Variants in TCF7L1 observed in about 807,000 individuals in gnomAD.
TCF7L1 encodes the protein transcription factor 7-like 1.
TCF7L1 carries 18 observed loss-of-function variants against 63.7 expected under a neutral mutation model. That is an observed-to-expected ratio of 0.28 (90% CI 0.20 to 0.42). The LOEUF is 0.42. Among genes scored for constraint, TCF7L1 ranks in the 10% least tolerant of loss-of-function variants. TCF7L1 has a pLI of 1.00. For missense variants in TCF7L1, 654 were observed against 779.3 expected (o/e 0.84, Z 1.91); for synonymous variants, 355 against 340.9 (o/e 1.04, Z -0.46).
chr2:85,218,641 G>GGT (rs982693804), intron 3 of TCF7L1, among the ~76,000 whole-genome samples: 8 of 140,014 alleles, frequency 5.7e-5, no homozygotes, highest in Non-Finnish European at 1.2e-4. Flanking sequence ...TATTCCAATG[G>GGT]GGGGGGGAAA....
chr2:85,149,762 T>C (rs1342798339), intron 3 of TCF7L1, among the ~76,000 whole-genome samples: 1 of 152,176 alleles, frequency 6.6e-6, no homozygotes, highest in Non-Finnish European at 1.5e-5. Flanking sequence ...TGACCTCAAG[T>C]GATCTGCCTG....
At chr2:85,143,012 T>C (rs1677781818) in intron 3 of TCF7L1, among the ~76,000 whole-genome samples, 1 of 152,230 alleles carries the variant, frequency 6.6e-6, no homozygotes, top group African/African-American at 2.4e-5. Context: ...TACTTCAAAG[T>C]TTGGAAATAA....
chr2:85,223,152 G>T (rs1679884565), intron 3 of TCF7L1, among the ~76,000 whole-genome samples: 1 of 152,194 alleles, frequency 6.6e-6, no homozygotes, highest in Non-Finnish European at 1.5e-5. Flanking sequence ...TGCAATCATA[G>T]CTCACTGTAG....
intron 3 of TCF7L1, among the ~76,000 whole-genome samples, chr2:85,258,692 C>T (rs1680782052): frequency 6.6e-6 from 1 of 152,186 alleles, no homozygotes; most frequent in African/African-American, 2.4e-5. Context: ...ATAACTTTTA[C>T]ATGTGTAAGC....
At chr2:85,227,177 A>C (rs921686496) in intron 3 of TCF7L1, among the ~76,000 whole-genome samples, 2 of 151,950 alleles carry the variant, frequency 1.3e-5, no homozygotes, top group African/African-American at 4.8e-5. Flanking sequence ...AACTCTACCA[A>C]ATCCCTTTAT....
intron 3 of TCF7L1, 121 bp from the exon 4 acceptor site, chr2:85,283,374 A>G: frequency 1.1e-6 from 1 of 942,078 alleles, no homozygotes; most frequent in Non-Finnish European, 1.7e-6. Context: ...GGCATGTGGC[A>G]TGAAAATGCA....
chr2:85,168,192 AACACAC>A lies in TCF7L1; in HGVS notation c.441+33768_441+33773del, dbSNP rs55736939. Among the ~76,000 whole-genome samples, 26 of 145,692 alleles carry A rather than the reference AACACAC, an allele frequency of 1.8e-4. No individual in the cohort carries two copies. The East Asian group carries it at 2.4e-3, about 14-fold the overall frequency. The stretch of plus-strand genomic sequence containing the variant: ...AATCTCATGTTAAGTGTTCTTACCA[AACACAC>A]ACACACACACACACACACACACACA... On this transcript the variant is annotated intron_variant, in intron 3 of 11. Coordinates refer to ENST00000282111, the MANE Select transcript of TCF7L1 (RefSeq NM_031283.3).
intron 3 of TCF7L1, among the ~76,000 whole-genome samples, chr2:85,171,259 C>A (rs1446282751): frequency 6.6e-6 from 1 of 152,180 alleles, no homozygotes; most frequent in East Asian, 1.9e-4. Flanking sequence ...CCACCGGGTC[C>A]CTTCCATGAC....
chr2:85,231,532 T>G (rs542728444), intron 3 of TCF7L1, among the ~76,000 whole-genome samples: 18 of 152,234 alleles, frequency 1.2e-4, no homozygotes, highest in African/African-American at 4.3e-4. Context: ...ACAACATCAT[T>G]TTGAATGTCC....
At chr2:85,208,052 G>C (rs759906130) in intron 3 of TCF7L1, among the ~76,000 whole-genome samples, 1 of 151,912 alleles carries the variant, frequency 6.6e-6, no homozygotes, top group Non-Finnish European at 1.5e-5. Flanking sequence ...GACTACAGGC[G>C]CCCGCCACCA....
intron 4 of TCF7L1, among the ~76,000 whole-genome samples, chr2:85,294,145 G>A (rs13405112): frequency 4.4e-4 from 64 of 144,772 alleles, no homozygotes; most frequent in African/African-American, 1.5e-3. Context: ...CACGCCATTC[G>A]CCTGCCTCAG....
At chr2:85,263,512 G>A (rs1680903162) in intron 3 of TCF7L1, among the ~76,000 whole-genome samples, 1 of 152,192 alleles carries the variant, frequency 6.6e-6, no homozygotes, top group African/African-American at 2.4e-5. Flanking sequence ...GAGGGAAAGA[G>A]AAGAGGCCAG....
intron 3 of TCF7L1, among the ~76,000 whole-genome samples, chr2:85,176,727 C>G (rs185037419): frequency 8.5e-5 from 13 of 152,280 alleles, no homozygotes; most frequent in African/African-American, 2.6e-4. Context: ...TGGTTCACGC[C>G]TGTAATCCCA....
chr2:85,308,418 T>TCCCTCCCTCCCTTCC (rs1553409312), intron 11 of TCF7L1, among the ~76,000 whole-genome samples: 1 of 84,294 alleles, frequency 1.2e-5, no homozygotes, highest in East Asian at 4.0e-4. Flanking sequence ...CCTTTCCCCT[T>TCCCTCCCTCCCTTCC]CCCTCCCTCC....
chr2:85,292,853 C>T (rs1681758158), intron 4 of TCF7L1, among the ~76,000 whole-genome samples: 1 of 152,254 alleles, frequency 6.6e-6, no homozygotes, highest in Non-Finnish European at 1.5e-5. Context: ...GCTGGGAATA[C>T]AGGCATGAGC....
chr2:85,219,362 C>T (rs1305314102), intron 3 of TCF7L1, among the ~76,000 whole-genome samples: 2 of 152,028 alleles, frequency 1.3e-5, no homozygotes, highest in Admixed American at 1.3e-4. Context: ...ATCAAAGATG[C>T]ACATATCTTA....
intron 3 of TCF7L1, among the ~76,000 whole-genome samples, chr2:85,194,722 C>T (rs570813190): frequency 1.3e-5 from 2 of 152,296 alleles, no homozygotes; most frequent in South Asian, 4.1e-4. Context: ...ACAGTAAACA[C>T]TCCAGGAGTG....
rs1198870789 is a variant in TCF7L1 at position 85,306,943 on chromosome 2, C to T, written c.1257+384C>T. On this transcript the variant is annotated intron_variant, in intron 10 of 11. Transcript: ENST00000282111. This position sits in a 1 kb window ranked among gnomAD's most constrained non-coding sequence, Gnocchi z 4.3. ...CCTCCCAAAGCGCTGGGATTACAGG[C>T]GTGAGCCACCGCGCCCGGCCAGCGA... is the stretch of plus-strand genomic sequence containing the variant. Among the ~76,000 whole-genome samples the T allele has an allele frequency of 1.1e-4, 16 of 152,324 alleles. No individual in the cohort carries two copies. Among genetic ancestry groups the T allele is most frequent in the African/African-American group, 3.8e-4 (16 of 41,576 alleles).
intron 3 of TCF7L1, among the ~76,000 whole-genome samples, chr2:85,270,457 A>G (rs932852964): frequency 2.0e-5 from 3 of 152,158 alleles, no homozygotes; most frequent in African/African-American, 7.2e-5. Context: ...CAGACAGAAC[A>G]TCTGTATCTA....
Sources: allele counts gnomAD v4.1 joint callset (sites outside exome capture counted in the v4.1 genomes callset), GRCh38; gene constraint gnomAD v4.1.1; non-coding constraint Gnocchi (gnomAD v3.1); transcripts MANE v1.5; gene names NCBI Gene and HGNC (gene_info 2026-07-23, HGNC 2026-07-21).